NTAN1: variants seen among roughly 807,000 people sequenced by gnomAD.
NTAN1 encodes N-terminal asparagine amidase, also known as protein N-terminal asparagine amidohydrolase.
Under a neutral mutation model 41.9 loss-of-function variants are expected in NTAN1, and 32 were observed. The ratio of observed to expected loss-of-function variants is 0.76; its 90% CI spans 0.58 to 1.03. The LOEUF (loss-of-function observed/expected upper bound fraction) is 1.03, where lower values mean the gene tolerates loss of function less well. Ranked by LOEUF, NTAN1 falls within the 50% of genes least tolerant of loss-of-function variation. NTAN1 has a pLI of 0.00. For synonymous variants in NTAN1, 140 were observed against 139.5 expected (o/e 1.00, Z -0.03); for missense variants, 377 against 377.5 (o/e 1.00, Z 0.01).
intron 1 of NTAN1, among the ~76,000 whole-genome samples, chr16:15,053,353 C>T (rs1326447791): frequency 6.6e-6 from 1 of 152,180 alleles, no homozygotes; most frequent in Non-Finnish European, 1.5e-5. Context: ...CACTGTATGA[C>T]TTATTGTTAT....
intron 8 of NTAN1, among the ~76,000 whole-genome samples, chr16:15,039,306 C>T (rs574471558): frequency 9.2e-5 from 14 of 152,256 alleles, no homozygotes; most frequent in African/African-American, 3.1e-4. Flanking sequence ...GGGTTGGCTC[C>T]GAATCCAAAC....
In NTAN1 at chr16:15,037,890, T is replaced by C; in HGVS notation, c.*141A>G. On this transcript the variant is annotated 3_prime_UTR_variant, in exon 10 of 10. Coordinates refer to ENST00000287706, the MANE Select transcript of NTAN1 (RefSeq NM_173474.4). ...AATAAGGTTTTATTTTGAAAGTCATTTGATGAAAGTCATTTGAAAGACACT... is the reference window on the plus strand; with the variant it reads ...AATAAGGTTTTATTTTGAAAGTCATCTGATGAAAGTCATTTGAAAGACACT... The C allele has an allele frequency of 1.7e-6, 1 of 571,776 alleles. No homozygotes were observed. Among genetic ancestry groups the C allele is most frequent in the East Asian group, 2.8e-5 (1 of 35,932 alleles). The allele number at this position is 571,776 out of a possible 1,614,324, so 35.4% of individuals were successfully genotyped here.
At chr16:15,041,556 T>C (rs1278202105) in intron 6 of NTAN1, 67 bp downstream of exon 6, 3 of 1,121,302 alleles carry the variant, frequency 2.7e-6, no homozygotes, top group Non-Finnish European at 4.1e-6. Context: ...TTGGGCCCAC[T>C]GCAAGACTGG....
intron 5 of NTAN1, among the ~76,000 whole-genome samples, chr16:15,043,339 T>C (rs576962589): frequency 6.6e-6 from 1 of 152,252 alleles, no homozygotes; most frequent in African/African-American, 2.4e-5. Flanking sequence ...CCCGGCCGGA[T>C]ATGAACCTTT....
rs1019039096 is a variant in NTAN1 at position 15,055,917 on chromosome 16, G to C, written c.55C>G (p.Leu19Val). The change falls in exon 1 of 10, where the codon CTC (leucine) becomes GTC (valine). Residue 19 changes from leucine to valine, a missense_variant. Transcript: ENST00000287706. ...RVRLPQSAGD[L>V]VRAHPPLEER... The stretch of plus-strand genomic sequence containing the variant: ...TCCAAAGGCGGGTGGGCTCGGACGA[G>C]GTCCCCGGCTGACTGCGGCAGCCGC... The C allele has an allele frequency of 1.6e-6, 2 of 1,232,566 alleles. No homozygotes were observed. Among genetic ancestry groups the C allele is most frequent in the Non-Finnish European group, 2.0e-6 (2 of 987,520 alleles). 76.4% of individuals were successfully genotyped at this position (1,232,566 alleles called of 1,614,324 possible).
intron 5 of NTAN1, among the ~76,000 whole-genome samples, chr16:15,043,644 T>G (rs1388065425): frequency 6.6e-6 from 1 of 152,184 alleles, no homozygotes; most frequent in East Asian, 1.9e-4. Flanking sequence ...CTTTCTTTCT[T>G]TTTTGAAAAT....
chr16:15,055,466 ACCT>A (rs1003992149), intron 1 of NTAN1, among the ~76,000 whole-genome samples: 5 of 152,102 alleles, frequency 3.3e-5, no homozygotes, highest in African/African-American at 1.2e-4. Context: ...CCCTGGAATA[ACCT>A]CCTGCTTCAC....
chr16:15,047,697 A>C (rs1195665733), intron 3 of NTAN1, 147 bp from the exon 4 acceptor site: 4 of 902,318 alleles, frequency 4.4e-6, no homozygotes, highest in Non-Finnish European at 7.4e-6. Context: ...CAGCCAACCC[A>C]TTCTGACCAG....
At position 15,046,279 on chromosome 16, in the gene NTAN1, T is replaced by G. The variant is rs368921647; in HGVS notation, c.359+1163A>C. On this transcript the variant is annotated intron_variant, in intron 4 of 9. Coordinates refer to ENST00000287706, the MANE Select transcript of NTAN1 (RefSeq NM_173474.4). ...ACTCTCTCTTTCCTTTTTAGACTCCTAGGATTAAGCCTTCGTATATGATGG... is the reference window on the plus strand; with the variant it reads ...ACTCTCTCTTTCCTTTTTAGACTCCGAGGATTAAGCCTTCGTATATGATGG... Among the ~76,000 whole-genome samples, 16 of 152,330 alleles carry G rather than the reference T, an allele frequency of 1.1e-4. 1 individual carries two copies. Among genetic ancestry groups the G allele is most frequent in the Admixed American group, 6.5e-4 (10 of 15,296 alleles).
rs376660426 is a variant in NTAN1 at position 15,040,145 on chromosome 16, C to G, written c.542-79G>C. 11 of 756,126 alleles carry G rather than the reference C, an allele frequency of 1.5e-5. No individual in the cohort carries two copies. The East Asian group carries it at 2.6e-4, about 18-fold the overall frequency. 46.8% of individuals were successfully genotyped at this position (756,126 alleles called of 1,614,324 possible). A position where few individuals can be genotyped will look rare whatever the true frequency, so the allele number is the denominator to read the frequency against. ...CTGCACAGTCTTACATTTCTACCAC[C>G]ACTCCTAAGAGAAAGATAGGAAAGT... is the stretch of plus-strand genomic sequence containing the variant. On this transcript the variant is annotated intron_variant, in intron 7 of 9. Coordinates refer to ENST00000287706, the MANE Select transcript of NTAN1 (RefSeq NM_173474.4).
At chr16:15,042,046 G>A (rs976063891) in intron 5 of NTAN1, among the ~76,000 whole-genome samples, 1 of 152,170 alleles carries the variant, frequency 6.6e-6, no homozygotes, top group African/African-American at 2.4e-5. Flanking sequence ...TCTGGCCACT[G>A]TAACAGATCT....
chr16:15,055,641 G>A (rs865990874), intron 1 of NTAN1: 2 of 342,808 alleles, frequency 5.8e-6, no homozygotes, highest in African/African-American at 2.1e-5. Context: ...GCGACCTTGG[G>A]CAAGTCACCT....
chr16:15,048,870 C>A (rs1461918127), intron 1 of NTAN1, among the ~76,000 whole-genome samples: 1 of 148,718 alleles, frequency 6.7e-6, no homozygotes, highest in Non-Finnish European at 1.5e-5. Context: ...GCAATCCACC[C>A]ACCCTGGCCT....
intron 1 of NTAN1, 145 bp downstream of exon 1, chr16:15,055,746 A>C (rs2151740093): frequency 2.4e-6 from 1 of 412,328 alleles, no homozygotes; most frequent in East Asian, 3.8e-5. Context: ...CCGACCCCTC[A>C]AGGGGAAGAC....
chr16:15,053,311 C>A (rs1306383646), intron 1 of NTAN1, among the ~76,000 whole-genome samples: 1 of 152,172 alleles, frequency 6.6e-6, no homozygotes. Flanking sequence ...ATGGGAATAG[C>A]AGTAACTCTT....
chr16:15,049,432 TTA>T (rs2044211732), intron 1 of NTAN1, among the ~76,000 whole-genome samples: 2 of 133,602 alleles, frequency 1.5e-5, no homozygotes, highest in African/African-American at 5.2e-5. Context: ...TTCTTTTATC[TTA>T]TTTTTTTTTT....
intron 1 of NTAN1, among the ~76,000 whole-genome samples, chr16:15,053,255 G>T (rs1286719088): frequency 1.3e-5 from 2 of 152,206 alleles, no homozygotes; most frequent in Non-Finnish European, 2.9e-5. Flanking sequence ...TGGGGCCTGG[G>T]GCCAGTTTCC....
intron 7 of NTAN1, 111 bp downstream of exon 7, chr16:15,040,957 G>A (rs2043788413): frequency 1.3e-6 from 1 of 779,586 alleles, no homozygotes; most frequent in African/African-American, 1.7e-5. Flanking sequence ...GCTGGGATCT[G>A]AACCCAAAGC....
At position 15,038,700 on chromosome 16, in the gene NTAN1, G is replaced by GT; in HGVS notation, c.640-14dup. On this transcript the variant is annotated splice_polypyrimidine_tract_variant and intron_variant, in intron 8 of 9. Transcript: ENST00000287706. The stretch of plus-strand genomic sequence containing the variant: ...AAATGCTAATCATCTAAAAAAGAAC[G>GT]TGTCAAGGATAGAATTTCAGGAATG... 2 of 1,420,836 alleles carry GT rather than the reference G, an allele frequency of 1.4e-6. No homozygotes were observed. The highest frequency in any genetic ancestry group is 2.0e-6 in the Non-Finnish European group (2 of 1,008,816). 88.0% of individuals were successfully genotyped at this position (1,420,836 alleles called of 1,614,324 possible).
Sources: allele counts gnomAD v4.1 joint callset (sites outside exome capture counted in the v4.1 genomes callset), GRCh38; gene constraint gnomAD v4.1.1; transcripts MANE v1.5; gene names NCBI Gene and HGNC (gene_info 2026-07-23, HGNC 2026-07-21).